Variants in FAM220A observed in about 807,000 individuals in gnomAD.
FAM220A encodes the protein family with sequence similarity 220 member A.
For missense variants in FAM220A, 392 were observed against 321.6 expected, an observed-to-expected ratio of 1.22 and a Z score of -1.68; for synonymous variants, 141 against 130.7, an observed-to-expected ratio of 1.08 and a Z score of -0.54.
intron 1 of FAM220A, among the ~76,000 whole-genome samples, chr7:6,333,845 T>C (rs1781689603): frequency 6.8e-6 from 1 of 147,504 alleles, no homozygotes; most frequent in African/African-American, 2.5e-5. Context: ...GGCCTCTTTT[T>C]TTTTTTTTTT....
chr7:6,338,935 G>A (rs923333943), intron 1 of FAM220A, among the ~76,000 whole-genome samples: 6 of 152,130 alleles, frequency 3.9e-5, no homozygotes, highest in Non-Finnish European at 8.8e-5. Flanking sequence ...GCTCACACAC[G>A]CTCCCAGATG....
chr7:6,344,197 T>C (rs1021126844), intron 1 of FAM220A, among the ~76,000 whole-genome samples: 2 of 151,604 alleles, frequency 1.3e-5, no homozygotes, highest in African/African-American at 4.8e-5. Context: ...CTTCAGATTC[T>C]ATTTCCTGTT....
chr7:6,345,423 G>A (rs148734776), intron 1 of FAM220A, among the ~76,000 whole-genome samples: 2 of 152,210 alleles, frequency 1.3e-5, no homozygotes, highest in East Asian at 3.9e-4. Context: ...CCCTCGATCT[G>A]ATTTGTTTTT....
Position 6,330,207 on chromosome 7 carries a change from G to A in FAM220A, c.*168C>T, listed in dbSNP as rs1231238948. The A allele has an allele frequency of 3.3e-5, 22 of 673,870 alleles. 1 individual carries two copies. Among genetic ancestry groups the A allele is most frequent in the South Asian group, 1.3e-4 (6 of 47,418 alleles). The allele number at this position is 673,870 out of a possible 1,614,324, so 41.7% of individuals were successfully genotyped here. A position where few individuals can be genotyped will look rare whatever the true frequency, so the allele number is the denominator to read the frequency against. On this transcript the variant is annotated 3_prime_UTR_variant, in exon 2 of 2. Transcript: ENST00000313324. Reference sequence around the variant, plus strand: ...AACACATGCCAAAAAAGTTCCTTCCGCATCAACTGGCTTTGAATTTAAACT... The same window carrying A: ...AACACATGCCAAAAAAGTTCCTTCCACATCAACTGGCTTTGAATTTAAACT...
At position 6,348,555 on chromosome 7, in the gene FAM220A, C is replaced by T; in HGVS notation, c.-82+18G>A. On this transcript the variant is annotated intron_variant, in intron 1 of 1. Transcript: ENST00000313324. ...CGCTCGGGGAGGGCCGGGGGCCGGG[C>T]AGGCACGGCTCACCCACCTGCAGGC... The T allele has an allele frequency of 6.9e-6, 3 of 432,470 alleles. No homozygotes were observed. Among genetic ancestry groups the T allele is most frequent in the Non-Finnish European group, 1.2e-5 (3 of 242,782 alleles). 26.8% of individuals were successfully genotyped at this position (432,470 alleles called of 1,614,324 possible). A position where few individuals can be genotyped will look rare whatever the true frequency, so the allele number is the denominator to read the frequency against.
rs1018013184 is a variant in FAM220A, at chr7:6,348,908, G to A, written c.-417C>T. ...GGCCGCAGTGGAGCGGAGTCCGCAC[G>A]TCACGCTCGGAGAAGTGCCTCCGCG... On this transcript the variant is annotated 5_prime_UTR_variant, in exon 1 of 2. The change creates a new upstream start codon in the 5' untranslated region. Coordinates refer to ENST00000313324, the MANE Select transcript of FAM220A (RefSeq NM_001037163.2). 7.8e-6 allele frequency: 3 copies of A among 385,426 alleles called. No individual in the cohort carries two copies. The highest frequency in any genetic ancestry group is 1.4e-4 in the South Asian group (1 of 7,006). 23.9% of individuals were successfully genotyped at this position (385,426 alleles called of 1,614,324 possible).
chr7:6,347,102 G>A (rs191525057), intron 1 of FAM220A, among the ~76,000 whole-genome samples: 1 of 152,154 alleles, frequency 6.6e-6, no homozygotes, highest in Non-Finnish European at 1.5e-5. Context: ...CAAGGCAGGA[G>A]GATCACTTGA....
At chr7:6,335,662 T>TTA (rs1030521782) in intron 1 of FAM220A, among the ~76,000 whole-genome samples, 3 of 152,174 alleles carry the variant, frequency 2.0e-5, no homozygotes, top group African/African-American at 7.2e-5. Flanking sequence ...TTATGAATAC[T>TTA]TATATATATC....
At chr7:6,334,216 C>G (rs547754198) in intron 1 of FAM220A, among the ~76,000 whole-genome samples, 1 of 151,586 alleles carries the variant, frequency 6.6e-6, no homozygotes, top group East Asian at 2.0e-4. Context: ...GTGTGTACCA[C>G]TGTACCCAGC....
intron 1 of FAM220A, among the ~76,000 whole-genome samples, chr7:6,336,556 C>G (rs1225143717): frequency 6.6e-6 from 1 of 151,856 alleles, no homozygotes; most frequent in African/African-American, 2.4e-5. Flanking sequence ...TTGCACATGC[C>G]TATAATCCCA....
chr7:6,330,515 C>A lies in FAM220A; in HGVS notation c.640G>T (p.Asp214Tyr). Residue 214 changes from aspartate to tyrosine, a missense_variant, in exon 2 of 2, where the codon GAC (aspartate) becomes TAC (tyrosine). By Grantham distance (160) the Asp-to-Tyr change is radical (BLOSUM62 -3). Coordinates refer to ENST00000313324, the MANE Select transcript of FAM220A (RefSeq NM_001037163.2). The part of the protein sequence containing the change: ...LSEETKRIFL[D>Y]RLKPMFSKQT... ...TTTGAAAACATGGGCTTTAAACGGT[C>A]AAGGAAAATGCGTTTTGTCTCCTCA... 1 of 1,614,104 alleles carries A rather than the reference C, an allele frequency of 6.2e-7. No homozygotes were observed.
At chr7:6,345,303 T>G (rs1781933108) in intron 1 of FAM220A, among the ~76,000 whole-genome samples, 1 of 151,162 alleles carries the variant, frequency 6.6e-6, no homozygotes, top group African/African-American at 2.4e-5. Context: ...TTGTACAGAC[T>G]GGGGTCTTGC....
At chr7:6,335,279 A>G (rs1231762463) in intron 1 of FAM220A, among the ~76,000 whole-genome samples, 1 of 151,346 alleles carries the variant, frequency 6.6e-6, no homozygotes, top group East Asian at 2.0e-4. Flanking sequence ...CTGGAGGGCA[A>G]TGGCACAATC....
chr7:6,330,322 T>A lies in FAM220A; in HGVS notation c.*53A>T. The A allele has an allele frequency of 6.6e-7, 1 of 1,518,456 alleles. No individual in the cohort carries two copies. The highest frequency in any genetic ancestry group is 1.3e-5 in the South Asian group (1 of 78,442). 94.1% of individuals were successfully genotyped at this position (1,518,456 alleles called of 1,614,324 possible). ...GCATCCAGACTTAATGCGAAAGAAA[T>A]CATTCTAAGACAACTCTTAAAATTA... is the stretch of plus-strand genomic sequence containing the variant. On this transcript the variant is annotated 3_prime_UTR_variant, in exon 2 of 2. Coordinates refer to ENST00000313324, the MANE Select transcript of FAM220A (RefSeq NM_001037163.2).
intron 1 of FAM220A, among the ~76,000 whole-genome samples, chr7:6,347,127 GAC>G (rs1431619520): frequency 6.6e-6 from 1 of 152,170 alleles, no homozygotes; most frequent in African/African-American, 2.4e-5. Context: ...AGAAGTTCAA[GAC>G]CAGCCTTGGC....
At chr7:6,348,060 G>A (rs886069453) in intron 1 of FAM220A, among the ~76,000 whole-genome samples, 60 of 151,376 alleles carry the variant, frequency 4.0e-4, no homozygotes, top group African/African-American at 1.4e-3. Context: ...ACAGGCACGC[G>A]CCACCACGCC....
rs1490615017 is a variant in FAM220A, at chr7:6,331,766, G to A, written c.-81-531C>T. 2.2e-5 allele frequency among the ~76,000 whole-genome samples: 3 copies of A among 137,792 alleles called. No individual in the cohort carries two copies. In the South Asian group the frequency reaches 6.8e-4, roughly 31 times the overall value. 90.4% of individuals were successfully genotyped at this position (137,792 alleles called of 152,430 possible). On this transcript the variant is annotated intron_variant, in intron 1 of 1. Coordinates refer to ENST00000313324, the MANE Select transcript of FAM220A (RefSeq NM_001037163.2). ...TTTTTTTTTTTTTTTTTGAGATGGCGTTTCGCTCTTTTTGCCTAGGCTGGA... is the reference window on the plus strand; with the variant it reads ...TTTTTTTTTTTTTTTTTGAGATGGCATTTCGCTCTTTTTGCCTAGGCTGGA...
At chr7:6,337,159 C>CT (rs1781764655) in intron 1 of FAM220A, among the ~76,000 whole-genome samples, 1 of 151,928 alleles carries the variant, frequency 6.6e-6, no homozygotes, top group Non-Finnish European at 1.5e-5. Context: ...GCAGCCTCTG[C>CT]TTCCCGCACT....
chr7:6,345,155 T>C (rs1020544018), intron 1 of FAM220A, among the ~76,000 whole-genome samples: 7 of 152,138 alleles, frequency 4.6e-5, no homozygotes, highest in African/African-American at 1.4e-4. Flanking sequence ...TCTCACTCTG[T>C]TGCCCAGGCT....
Sources: allele counts gnomAD v4.1 joint callset (sites outside exome capture counted in the v4.1 genomes callset), GRCh38; gene constraint gnomAD v4.1.1; transcripts MANE v1.5; gene names NCBI Gene and HGNC (gene_info 2026-07-23, HGNC 2026-07-21).